SRGAP3: variants seen among roughly 807,000 people sequenced by gnomAD.
SRGAP3 encodes SLIT-ROBO Rho GTPase activating protein 3.
A neutral mutation model predicts 121.1 loss-of-function variants in SRGAP3; 39 were observed. The ratio of observed to expected loss-of-function variants is 0.32; its 90% CI spans 0.25 to 0.42. The LOEUF (loss-of-function observed/expected upper bound fraction) is 0.42, where lower values mean the gene tolerates loss of function less well. Ranked by LOEUF, SRGAP3 falls within the 10% of genes least tolerant of loss-of-function variation. The pLI is 1.00. For synonymous variants in SRGAP3, 601 were observed against 570.0 expected (o/e 1.05, Z -0.77); for missense variants, 1,213 against 1,470.6 (o/e 0.82, Z 2.86).
intron 1 of SRGAP3, among the ~76,000 whole-genome samples, chr3:9,340,306 TC>T (rs1955763976): frequency 6.6e-6 from 1 of 152,148 alleles, no homozygotes; most frequent in Admixed American, 6.5e-5. Flanking sequence ...TGTGCTCTCT[TC>T]CCCCTCCTGC....
chr3:9,329,132 A>G (rs1206662226), intron 2 of SRGAP3, among the ~76,000 whole-genome samples: 7 of 152,234 alleles, frequency 4.6e-5, no homozygotes, highest in Admixed American at 4.6e-4. Context: ...AGAAAAATGA[A>G]TTCATCGCAC....
chr3:9,014,295 A>C (rs547489289), intron 15 of SRGAP3: 2 of 216,296 alleles, frequency 9.2e-6, no homozygotes, highest in East Asian at 9.5e-5. Context: ...TTATGAAGTA[A>C]GCAGGTTTAA....
At position 8,985,598 on chromosome 3, in the gene SRGAP3, G is replaced by T; in HGVS notation, c.3221C>A (p.Ser1074Ter). 2 of 1,597,646 alleles carry T rather than the reference G, an allele frequency of 1.3e-6. No homozygotes were observed. Among genetic ancestry groups the T allele is most frequent in the Non-Finnish European group, 1.7e-6 (2 of 1,179,120 alleles). ...VQHRSSSSSS[S>*]GVGSPAVTPT... The stretch of plus-strand genomic sequence containing the variant: ...CGTCACGGCCGGGCTGCCCACGCCC[G>T]AGCTGCTGCTGCTGCTGGACCGGTG... Residue 1074 changes from serine (S) to a stop codon, truncating the protein, a stop_gained, in exon 22 of 22, where the codon TCG becomes TAG. Coordinates refer to ENST00000383836, the MANE Select transcript of SRGAP3 (RefSeq NM_014850.4). LOFTEE classifies it high-confidence loss of function. The surrounding 1 kb of genome is among the most constrained non-coding windows in gnomAD (Gnocchi z 5.1).
chr3:9,311,911 G>C (rs1955253731), intron 3 of SRGAP3, among the ~76,000 whole-genome samples: 2 of 152,186 alleles, frequency 1.3e-5, no homozygotes, highest in African/African-American at 2.4e-5. Context: ...TGAACAGAAA[G>C]TAACTGTAAC....
At chr3:9,333,408 T>C (rs1955641176) in intron 1 of SRGAP3, among the ~76,000 whole-genome samples, 1 of 152,144 alleles carries the variant, frequency 6.6e-6, no homozygotes, top group African/African-American at 2.4e-5. Context: ...CACTCAGCCT[T>C]TCCTTCCTCT....
At chr3:9,058,547 G>A in intron 6 of SRGAP3, 75 bp from the exon 7 acceptor site, 2 of 1,438,738 alleles carry the variant, frequency 1.4e-6, no homozygotes, top group Non-Finnish European at 2.0e-6. Flanking sequence ...CCACCACAGT[G>A]ACTTACAATT....
At position 9,303,177 on chromosome 3, in the gene SRGAP3, C is replaced by A. The variant is rs79469935; in HGVS notation, n.442+22833G>T. Among the ~76,000 whole-genome samples the A allele has an allele frequency of 5.7e-4, 87 of 152,216 alleles. 1 individual carries two copies. In the East Asian group the frequency reaches 0.015, roughly 26 times the overall value. The stretch of plus-strand genomic sequence containing the variant: ...CGGTGGCTCATGTCTGTAATCCCAG[C>A]ACTTTGGGAGGCCTAGGCGGGCAGA... On this transcript the variant is annotated intron_variant and non_coding_transcript_variant, in intron 3 of 3. Coordinates refer to the SRGAP3 transcript ENST00000490889.
intron 1 of SRGAP3, among the ~76,000 whole-genome samples, chr3:9,215,262 C>T (rs1034491339): frequency 1.3e-5 from 2 of 152,190 alleles, no homozygotes; most frequent in Non-Finnish European, 2.9e-5. Context: ...CCCTTACTTT[C>T]GGCTCACTGA....
chr3:9,329,960 T>C (rs1222826949), intron 2 of SRGAP3, among the ~76,000 whole-genome samples: 1 of 152,194 alleles, frequency 6.6e-6, no homozygotes, highest in Non-Finnish European at 1.5e-5. Context: ...TTTTTAAAAG[T>C]ACTTCAATGC....
chr3:9,181,642 C>G (rs999209251), intron 1 of SRGAP3, among the ~76,000 whole-genome samples: 2 of 152,178 alleles, frequency 1.3e-5, no homozygotes, highest in Non-Finnish European at 2.9e-5. Flanking sequence ...CATCTCAGAG[C>G]CAGGGAGGGT....
intron 9 of SRGAP3, among the ~76,000 whole-genome samples, chr3:9,048,762 T>C (rs1199624327): frequency 6.6e-6 from 1 of 152,208 alleles, no homozygotes; most frequent in Non-Finnish European, 1.5e-5. Context: ...AGGTTGAGGC[T>C]GTAGTGAGCT....
chr3:9,354,681 C>CAAAAAA (rs34026081), intron 1 of SRGAP3, among the ~76,000 whole-genome samples: 6 of 70,738 alleles, frequency 8.5e-5, no homozygotes, highest in Admixed American at 1.4e-4. Flanking sequence ...GACTCCATCT[C>CAAAAAA]AAAAAAAAAA....
intron 1 of SRGAP3, among the ~76,000 whole-genome samples, chr3:9,345,785 CAAAAA>C (rs34225108): frequency 1.5e-5 from 1 of 65,266 alleles, no homozygotes; most frequent in East Asian, 4.1e-4. Context: ...GACTCCAACT[CAAAAA>C]AAAAAAAAAA....
chr3:9,269,203 T>C (rs1424893927), intron 3 of SRGAP3, among the ~76,000 whole-genome samples: 1 of 152,224 alleles, frequency 6.6e-6, no homozygotes, highest in African/African-American at 2.4e-5. Flanking sequence ...ATAAAGTCCC[T>C]TCTCCTCTTT....
chr3:9,360,118 C>T (rs751803616), intron 1 of SRGAP3, among the ~76,000 whole-genome samples: 1 of 152,134 alleles, frequency 6.6e-6, no homozygotes, highest in South Asian at 2.1e-4. Context: ...TTTGTAGAGA[C>T]AGGTCTCCCT....
intron 1 of SRGAP3, among the ~76,000 whole-genome samples, chr3:9,357,203 C>A (rs2030561866): frequency 1.3e-5 from 2 of 152,012 alleles, no homozygotes; most frequent in African/African-American, 2.4e-5. Flanking sequence ...TGAGATCGCA[C>A]CACTGCACTC....
At chr3:9,032,780 A>T (rs747426406) in intron 11 of SRGAP3, 28 bp from the exon 12 acceptor site, 3 of 1,594,944 alleles carry the variant, frequency 1.9e-6, no homozygotes. Context: ...AAAAGAAATC[A>T]AGAAAGCAAC....
Position 9,354,538 on chromosome 3 carries a change from C to T in SRGAP3, n.214+8302G>A, listed in dbSNP as rs1162929233. Among the ~76,000 whole-genome samples, 6 of 151,922 alleles carry T rather than the reference C, an allele frequency of 3.9e-5. No individual in the cohort carries two copies. In the South Asian group the frequency reaches 1.2e-3, roughly 32 times the overall value. ...ACTAAAAAACACAAAAAAAATTAGC[C>T]GGACATGGTGGCAGGCGCCTGTACT... On this transcript the variant is annotated intron_variant and non_coding_transcript_variant, in intron 1 of 3. Coordinates refer to the SRGAP3 transcript ENST00000490889.
At chr3:9,141,450 C>G (rs1949842928) in intron 1 of SRGAP3, among the ~76,000 whole-genome samples, 1 of 124,504 alleles carries the variant, frequency 8.0e-6, no homozygotes, top group Non-Finnish European at 1.9e-5. Context: ...TTTCTGAAAA[C>G]CACGTAAGTT....
Sources: allele counts gnomAD v4.1 joint callset (sites outside exome capture counted in the v4.1 genomes callset), GRCh38; gene constraint gnomAD v4.1.1; non-coding constraint Gnocchi (gnomAD v3.1); transcripts MANE v1.5; gene names NCBI Gene and HGNC (gene_info 2026-07-23, HGNC 2026-07-21).